N4BP1: variants seen among roughly 807,000 people sequenced by gnomAD.
N4BP1 encodes the protein NEDD4 binding protein 1, also known as NEDD4-binding protein 1.
A neutral mutation model predicts 70.9 loss-of-function variants in N4BP1; 21 were observed. The ratio of observed to expected loss-of-function variants is 0.30; its 90% CI spans 0.21 to 0.43. The LOEUF is 0.43. Among genes scored for constraint, N4BP1 ranks in the 20% least tolerant of loss-of-function variants. N4BP1 has a pLI of 1.00. For synonymous variants in N4BP1, 387 were observed against 394.6 expected, an observed-to-expected ratio of 0.98 and a Z score of 0.23; for missense variants, 936 against 1,069.4, an observed-to-expected ratio of 0.88 and a Z score of 1.74.
rs374372830 is a variant in N4BP1, at chr16:48,600,922, T to C, written c.198+8853A>G. 2.0e-4 allele frequency among the ~76,000 whole-genome samples: 31 copies of C among 152,342 alleles called. 1 individual carries two copies. The highest frequency in any genetic ancestry group is 3.9e-4 in the East Asian group (2 of 5,188). On this transcript the variant is annotated intron_variant, in intron 1 of 6. Transcript: ENST00000262384. ...TAAAATGGTTATGCCAATTGGATAA[T>C]GGCACTAGGTGGCATTTGTATAATA...
chr16:48,594,896 G>GT lies in N4BP1; in HGVS notation c.198+14878dup, dbSNP rs539529890. 8.7e-4 allele frequency among the ~76,000 whole-genome samples: 132 copies of GT among 152,226 alleles called. 1 individual carries two copies. In the East Asian group the frequency reaches 0.019, roughly 22 times the overall value. On this transcript the variant is annotated intron_variant, in intron 1 of 6. Coordinates refer to ENST00000262384, the MANE Select transcript of N4BP1 (RefSeq NM_153029.4). ...TCTTTGACTGTGGCTGCCCTAAAAT[G>GT]TTTTTTCATCCACAGACAACTGTCT... is the stretch of plus-strand genomic sequence containing the variant.
At chr16:48,565,217 G>C (rs1249197055) in intron 1 of N4BP1, among the ~76,000 whole-genome samples, 1 of 152,088 alleles carries the variant, frequency 6.6e-6, no homozygotes, top group African/African-American at 2.4e-5. Context: ...GGTGAGACTG[G>C]GTATGCTTGC....
chr16:48,591,408 T>C (rs976703634), intron 1 of N4BP1, among the ~76,000 whole-genome samples: 4 of 152,126 alleles, frequency 2.6e-5, no homozygotes, highest in South Asian at 2.1e-4. Context: ...ACCATCTCTT[T>C]GAAACACCTT....
rs547113152 is a variant in N4BP1 at position 48,540,423 on chromosome 16, C to G, written c.*2481G>C. The G allele has an allele frequency of 8.5e-4, 130 of 152,632 alleles. 1 individual carries two copies. The highest frequency in any genetic ancestry group is 3.4e-3 in the Middle Eastern group (1 of 296). 9.5% of individuals were successfully genotyped at this position (152,632 alleles called of 1,614,324 possible). A position where few individuals can be genotyped will look rare whatever the true frequency, so the allele number is the denominator to read the frequency against. ...CAGGCCCAAGTCCCGGCCAGACAGC[C>G]GAGCCTGCCTAGCAACGCTGACCGG... On this transcript the variant is annotated 3_prime_UTR_variant, in exon 7 of 7. Coordinates refer to ENST00000262384, the MANE Select transcript of N4BP1 (RefSeq NM_153029.4).
At chr16:48,551,354 C>A in intron 4 of N4BP1, 32 bp downstream of exon 4, 2 of 1,592,020 alleles carry the variant, frequency 1.3e-6, no homozygotes, top group Non-Finnish European at 1.7e-6. Context: ...CCACCCCACT[C>A]CAACCTTAGG....
chr16:48,562,502 T>C (rs1026459324), intron 1 of N4BP1, 58 bp from the exon 2 acceptor site: 31 of 1,371,100 alleles, frequency 2.3e-5, no homozygotes, highest in Admixed American at 1.3e-4. Context: ...TAGCACATAA[T>C]AAATTACCAT....
chr16:48,605,289 C>T (rs531851623), intron 1 of N4BP1, among the ~76,000 whole-genome samples: 1 of 152,128 alleles, frequency 6.6e-6, no homozygotes, highest in South Asian at 2.1e-4. Flanking sequence ...CTCGGCATCC[C>T]AAAGTGTTGG....
chr16:48,595,488 A>G (rs1413137324), intron 1 of N4BP1, among the ~76,000 whole-genome samples: 2 of 149,698 alleles, frequency 1.3e-5, no homozygotes, highest in Non-Finnish European at 3.0e-5. Context: ...AAGAAAGAAA[A>G]CTTTCTTTTG....
In N4BP1 at chr16:48,541,778, G is replaced by C. The variant is rs191517090; in HGVS notation, c.*1126C>G. On this transcript the variant is annotated 3_prime_UTR_variant, in exon 7 of 7. Coordinates refer to ENST00000262384, the MANE Select transcript of N4BP1 (RefSeq NM_153029.4). ...CAACACCTAGAACAGACAATATTAA[G>C]ATATCAATTCTGAGAAAGACTCACA... The C allele has an allele frequency of 6.5e-6, 1 of 152,738 alleles. No homozygotes were observed. The highest frequency in any genetic ancestry group is 1.9e-4 in the East Asian group (1 of 5,172). 9.5% of individuals were successfully genotyped at this position (152,738 alleles called of 1,614,324 possible). A position where few individuals can be genotyped will look rare whatever the true frequency, so the allele number is the denominator to read the frequency against.
At chr16:48,605,550 C>T (rs1964566694) in intron 1 of N4BP1, among the ~76,000 whole-genome samples, 1 of 152,182 alleles carries the variant, frequency 6.6e-6, no homozygotes, top group Non-Finnish European at 1.5e-5. Flanking sequence ...TGACTTCTTT[C>T]CCCTCTCTCT....
chr16:48,545,420 T>C (rs1963575786), intron 6 of N4BP1, among the ~76,000 whole-genome samples: 1 of 142,528 alleles, frequency 7.0e-6, no homozygotes, highest in Non-Finnish European at 1.5e-5. Flanking sequence ...AAAAAAAAAA[T>C]ACAAAAAATT....
At chr16:48,588,944 A>C (rs1964290449) in intron 1 of N4BP1, among the ~76,000 whole-genome samples, 1 of 152,246 alleles carries the variant, frequency 6.6e-6, no homozygotes, top group African/African-American at 2.4e-5. Context: ...TACAATATTT[A>C]TCATTTGGCT....
chr16:48,582,850 T>G (rs1341207957), intron 1 of N4BP1, among the ~76,000 whole-genome samples: 2 of 152,128 alleles, frequency 1.3e-5, no homozygotes, highest in Non-Finnish European at 2.9e-5. Flanking sequence ...TCCTAGCACT[T>G]GGGGAGGCCA....
Position 48,542,686 on chromosome 16 carries a change from A to G in N4BP1, c.*218T>C. 1 of 431,598 alleles carries G rather than the reference A, an allele frequency of 2.3e-6. No individual in the cohort carries two copies. Among genetic ancestry groups the G allele is most frequent in the Non-Finnish European group, 4.1e-6 (1 of 245,126 alleles). The allele number at this position is 431,598 out of a possible 1,614,324, so 26.7% of individuals were successfully genotyped here. A position where few individuals can be genotyped will look rare whatever the true frequency, so the allele number is the denominator to read the frequency against. On this transcript the variant is annotated 3_prime_UTR_variant, in exon 7 of 7. Coordinates refer to ENST00000262384, the MANE Select transcript of N4BP1 (RefSeq NM_153029.4). ...GGCAGAAAATGTAGACTTTCCTTTA[A>G]CAGAAAATGTTAAATCTGTAATAGC...
At chr16:48,609,665 G>A in intron 1 of N4BP1, 110 bp downstream of exon 1, 6 of 993,924 alleles carry the variant, frequency 6.0e-6, no homozygotes, top group Admixed American at 4.4e-5. Context: ...CCGAGACTGC[G>A]TTCCCAACCC....
intron 1 of N4BP1, among the ~76,000 whole-genome samples, chr16:48,602,352 A>C (rs1434230228): frequency 1.3e-5 from 2 of 152,232 alleles, no homozygotes; most frequent in East Asian, 3.8e-4. Flanking sequence ...CAAGACTGCT[A>C]ATCTTCTATG....
At chr16:48,589,246 G>A (rs1713296368) in intron 1 of N4BP1, among the ~76,000 whole-genome samples, 1 of 152,132 alleles carries the variant, frequency 6.6e-6, no homozygotes, top group African/African-American at 2.4e-5. Context: ...GTTCAACTAT[G>A]ACTGGCATCC....
chr16:48,553,826 G>C (rs1963710484), intron 2 of N4BP1, among the ~76,000 whole-genome samples, 157 bp from the exon 3 acceptor site: 2 of 152,192 alleles, frequency 1.3e-5, no homozygotes, highest in East Asian at 1.9e-4. Flanking sequence ...CACAAAGTTA[G>C]GATGGAACCC....
At chr16:48,551,606 C>A in intron 3 of N4BP1, 124 bp from the exon 4 acceptor site, 5 of 565,060 alleles carry the variant, frequency 8.8e-6, no homozygotes, top group Admixed American at 3.3e-5. Flanking sequence ...TCTATTGACT[C>A]AATTTTACTA....
Sources: allele counts gnomAD v4.1 joint callset (sites outside exome capture counted in the v4.1 genomes callset), GRCh38; gene constraint gnomAD v4.1.1; transcripts MANE v1.5; gene names NCBI Gene and HGNC (gene_info 2026-07-23, HGNC 2026-07-21).